Variants in CACNA2D3 observed in about 807,000 individuals in gnomAD.
CACNA2D3 encodes the protein calcium voltage-gated channel auxiliary subunit alpha2delta 3.
Under a neutral mutation model 160.6 loss-of-function variants are expected in CACNA2D3, and 60 were observed. The observed-to-expected ratio is 0.37, with a 90% confidence interval of 0.30 to 0.46. The LOEUF is 0.46. Ranked by LOEUF, CACNA2D3 falls within the 20% of genes least tolerant of loss-of-function variation. The pLI is 1.00. For missense variants in CACNA2D3, 1,205 were observed against 1,365.0 expected, an observed-to-expected ratio of 0.88 and a Z score of 1.85; for synonymous variants, 558 against 492.9, an observed-to-expected ratio of 1.13 and a Z score of -1.75.
chr3:55,025,492 C>T (rs1465439110), intron 35 of CACNA2D3, among the ~76,000 whole-genome samples: 1 of 151,852 alleles, frequency 6.6e-6, no homozygotes, highest in Non-Finnish European at 1.5e-5. Flanking sequence ...ATTGGCCAGG[C>T]AGGGTGGTAT....
chr3:54,619,784 G>A (rs964656564), intron 9 of CACNA2D3, among the ~76,000 whole-genome samples: 1 of 57,166 alleles, frequency 1.7e-5, no homozygotes, highest in Non-Finnish European at 3.6e-5. Flanking sequence ...CAAGATATGT[G>A]CCTTACCTAC....
chr3:54,404,025 C>G (rs893815664), intron 4 of CACNA2D3, among the ~76,000 whole-genome samples: 1 of 152,120 alleles, frequency 6.6e-6, no homozygotes, highest in Non-Finnish European at 1.5e-5. Context: ...AAGCCCAGGA[C>G]CAGATGGCTT....
At chr3:54,582,273 C>T (rs1702690415) in intron 9 of CACNA2D3, among the ~76,000 whole-genome samples, 1 of 152,174 alleles carries the variant, frequency 6.6e-6, no homozygotes, top group Non-Finnish European at 1.5e-5. Flanking sequence ...GTTGGGGTAA[C>T]TTGTCTGCTA....
intron 4 of CACNA2D3, among the ~76,000 whole-genome samples, chr3:54,476,250 G>T (rs192635956): frequency 1.4e-5 from 2 of 147,636 alleles, no homozygotes; most frequent in South Asian, 2.1e-4. Flanking sequence ...ATATTCCTGC[G>T]TGTGTGTGTG....
intron 16 of CACNA2D3, among the ~76,000 whole-genome samples, chr3:54,841,972 CT>C (rs1301549520): frequency 6.6e-6 from 1 of 152,204 alleles, no homozygotes; most frequent in African/African-American, 2.4e-5. Context: ...CTCCATGGCA[CT>C]GTACATTAGA....
rs1575448673 is a variant in CACNA2D3 at position 54,736,103 on chromosome 3, ATATATGTATATATATACATATATATATG to A, written c.1168-16490_1168-16463del. ...TATATGTATGTGTATATATATACAT[ATATATGTATATATATACATATATATATG>A]TATATATATACACACACACACACAC... On this transcript the variant is annotated intron_variant, in intron 11 of 37. Transcript: ENST00000474759. Among the ~76,000 whole-genome samples the A allele has an allele frequency of 1.9e-3, 38 of 20,292 alleles. 1 individual carries two copies. The highest frequency in any genetic ancestry group is 4.3e-3 in the East Asian group (6 of 1,382). The allele number at this position is 20,292 out of a possible 152,430, so 13.3% of individuals were successfully genotyped here.
At chr3:54,963,215 A>C (rs1702071494) in intron 27 of CACNA2D3, among the ~76,000 whole-genome samples, 1 of 152,184 alleles carries the variant, frequency 6.6e-6, no homozygotes, top group Non-Finnish European at 1.5e-5. Context: ...TCACGCTGGC[A>C]GTCCTGTCTG....
At chr3:54,160,328 A>G (rs1017193140) in intron 2 of CACNA2D3, among the ~76,000 whole-genome samples, 27 of 152,202 alleles carry the variant, frequency 1.8e-4, no homozygotes, top group South Asian at 8.3e-4. Context: ...GCAAAACCCT[A>G]TCTCTACTAA....
intron 11 of CACNA2D3, among the ~76,000 whole-genome samples, chr3:54,737,778 T>C (rs9836012): frequency 0.91 from 138,962 of 152,218 alleles, 63,689 homozygotes; most frequent in African/African-American, 0.94. Flanking sequence ...GATTCTCTTG[T>C]CTCAGCCTCC....
intron 11 of CACNA2D3, among the ~76,000 whole-genome samples, chr3:54,659,717 T>G (rs1699934402): frequency 6.6e-6 from 1 of 152,206 alleles, no homozygotes; most frequent in African/African-American, 2.4e-5. Context: ...GTGGTAGAAT[T>G]TCCTTGCACC....
chr3:55,018,059 A>C (rs960974278), intron 34 of CACNA2D3, 147 bp from the exon 35 acceptor site: 7 of 599,730 alleles, frequency 1.2e-5, no homozygotes, highest in Non-Finnish European at 2.1e-5. Flanking sequence ...TCACTTGACT[A>C]ATTAGAAAAT....
At position 54,590,491 on chromosome 3, in the gene CACNA2D3, C is replaced by T. The variant is rs537119044; in HGVS notation, c.963+8614C>T. Among the ~76,000 whole-genome samples the T allele has an allele frequency of 2.0e-5, 3 of 152,200 alleles. No individual in the cohort carries two copies. In the South Asian group the frequency reaches 6.2e-4, roughly 32 times the overall value. The stretch of plus-strand genomic sequence containing the variant: ...ATGAGGGCTCCTTGTGGTGGTGGAA[C>T]TGTTCTGTGTCTTGATCATATCAAT... On this transcript the variant is annotated intron_variant, in intron 9 of 37. Coordinates refer to ENST00000474759, the MANE Select transcript of CACNA2D3 (RefSeq NM_018398.3).
At chr3:54,400,272 C>T (rs575494555) in intron 4 of CACNA2D3, among the ~76,000 whole-genome samples, 8 of 151,878 alleles carry the variant, frequency 5.3e-5, no homozygotes, top group East Asian at 2.0e-4. Context: ...GTGTCGCTCA[C>T]GCTGGGAGCT....
At chr3:54,794,323 A>G (rs1702822626) in intron 13 of CACNA2D3, among the ~76,000 whole-genome samples, 1 of 152,164 alleles carries the variant, frequency 6.6e-6, no homozygotes. Flanking sequence ...TTACAACAGT[A>G]TACCTGCAAT....
chr3:54,608,876 C>T (rs1183204205), intron 9 of CACNA2D3, among the ~76,000 whole-genome samples: 1 of 152,102 alleles, frequency 6.6e-6, no homozygotes, highest in East Asian at 1.9e-4. Flanking sequence ...GGTGAATGGA[C>T]CCCATGACGT....
intron 2 of CACNA2D3, among the ~76,000 whole-genome samples, chr3:54,224,238 T>A (rs1341360950): frequency 6.6e-6 from 1 of 152,084 alleles, no homozygotes; most frequent in Non-Finnish European, 1.5e-5. Context: ...TTCTTCTGGA[T>A]ACCTCCTGAA....
chr3:54,820,929 C>T (rs1309622637), intron 14 of CACNA2D3, among the ~76,000 whole-genome samples: 2 of 152,140 alleles, frequency 1.3e-5, no homozygotes, highest in Admixed American at 1.3e-4. Flanking sequence ...AGGAGCTAAA[C>T]ATCAGTTATT....
At chr3:54,844,451 G>A (rs900570142) in intron 16 of CACNA2D3, among the ~76,000 whole-genome samples, 15 of 152,260 alleles carry the variant, frequency 9.9e-5, no homozygotes, top group East Asian at 3.9e-4. Flanking sequence ...TGAGCTCAGC[G>A]TCTGCATTCT....
chr3:54,755,055 G>T (rs1701946367), intron 12 of CACNA2D3, among the ~76,000 whole-genome samples: 1 of 152,150 alleles, frequency 6.6e-6, no homozygotes, highest in Non-Finnish European at 1.5e-5. Context: ...CATGCATACA[G>T]CCAGGAATGG....
Sources: allele counts gnomAD v4.1 joint callset (sites outside exome capture counted in the v4.1 genomes callset), GRCh38; gene constraint gnomAD v4.1.1; transcripts MANE v1.5; gene names NCBI Gene and HGNC (gene_info 2026-07-23, HGNC 2026-07-21).